CNTN4: variants seen among roughly 807,000 people sequenced by gnomAD.
The protein encoded by CNTN4 is contactin 4, also known as contactin-4.
Under a neutral mutation model 122.5 loss-of-function variants are expected in CNTN4, and 77 were observed. The ratio of observed to expected loss-of-function variants is 0.63; its 90% CI spans 0.52 to 0.76. The LOEUF is 0.76. Ranked by LOEUF, CNTN4 falls within the 30% of genes least tolerant of loss-of-function variation. The pLI, the probability that CNTN4 is intolerant of heterozygous loss-of-function variation, is 0.00. For missense variants in CNTN4, 1,256 were observed against 1,259.1 expected, an observed-to-expected ratio of 1.00 and a Z score of 0.04; for synonymous variants, 512 against 447.0, an observed-to-expected ratio of 1.15 and a Z score of -1.83.
intron 12 of CNTN4, among the ~76,000 whole-genome samples, chr3:2,912,416 A>AC (rs958619470): frequency 1.3e-5 from 2 of 152,210 alleles, no homozygotes; most frequent in African/African-American, 4.8e-5. Context: ...CACTAGGTTT[A>AC]CCCTGCAAGA....
At chr3:2,283,919 C>G (rs1046532164) in intron 2 of CNTN4, among the ~76,000 whole-genome samples, 1 of 152,168 alleles carries the variant, frequency 6.6e-6, no homozygotes, top group South Asian at 2.1e-4. Flanking sequence ...ATGAATTTTT[C>G]ATATGCTCAT....
chr3:2,120,487 T>A (rs1199706692), intron 2 of CNTN4, among the ~76,000 whole-genome samples: 2 of 147,468 alleles, frequency 1.4e-5, no homozygotes, highest in Non-Finnish European at 3.0e-5. Context: ...GACTGCGAGC[T>A]CGCTTCCTGG....
intron 4 of CNTN4, among the ~76,000 whole-genome samples, chr3:2,605,037 T>C (rs184073500): frequency 3.1e-4 from 47 of 152,278 alleles, no homozygotes; most frequent in African/African-American, 9.9e-4. Context: ...GACAGAATCT[T>C]ACTCTGTCAC....
chr3:3,037,414 G>A (rs1699708157), intron 18 of CNTN4, 86 bp downstream of exon 18: 18 of 1,543,664 alleles, frequency 1.2e-5, no homozygotes, highest in Admixed American at 8.4e-5. Flanking sequence ...GCTCTTCAGC[G>A]CTCATGCGGC....
intron 3 of CNTN4, among the ~76,000 whole-genome samples, chr3:2,387,860 C>T (rs368195598): frequency 2.0e-5 from 3 of 152,186 alleles, no homozygotes; most frequent in East Asian, 3.9e-4. Context: ...AAGAGCTGGT[C>T]TTCCCAAGAA....
At position 3,009,463 on chromosome 3, in the gene CNTN4, TTG is replaced by T. The variant is rs546744255; in HGVS notation, c.1487-16638_1487-16637del. 6.2e-4 allele frequency among the ~76,000 whole-genome samples: 94 copies of T among 152,090 alleles called. 1 individual carries two copies. Among genetic ancestry groups the T allele is most frequent in the African/African-American group, 2.0e-3 (82 of 41,466 alleles). On this transcript the variant is annotated intron_variant, in intron 14 of 24. Transcript: ENST00000418658. ...TTTCTTTTTTTTTTGAGATGGAGTCTTGCTCTGTCGCCCAGGCTGGAGTGCAG... is the reference window on the plus strand; with the variant it reads ...TTTCTTTTTTTTTTGAGATGGAGTCTCTCTGTCGCCCAGGCTGGAGTGCAG...
At chr3:2,736,807 T>C (rs892141463) in intron 5 of CNTN4, among the ~76,000 whole-genome samples, 2 of 151,066 alleles carry the variant, frequency 1.3e-5, no homozygotes, top group Admixed American at 1.3e-4. Flanking sequence ...TATTTATTTA[T>C]TTAGAGACGG....
intron 2 of CNTN4, among the ~76,000 whole-genome samples, chr3:2,185,965 T>C (rs1288246592): frequency 6.6e-6 from 1 of 152,138 alleles, no homozygotes; most frequent in East Asian, 1.9e-4. Context: ...AGTTCTAGGG[T>C]ACATGTGCAC....
At chr3:2,174,112 G>A (rs559995835) in intron 2 of CNTN4, among the ~76,000 whole-genome samples, 96 of 152,230 alleles carry the variant, frequency 6.3e-4, no homozygotes, top group Admixed American at 1.4e-3. Context: ...GGAATGATAA[G>A]GCCCACATTC....
At chr3:2,254,417 T>A (rs538437397) in intron 2 of CNTN4, among the ~76,000 whole-genome samples, 6 of 152,260 alleles carry the variant, frequency 3.9e-5, no homozygotes, top group African/African-American at 1.4e-4. Context: ...GTAATGGGAT[T>A]ATTGGGTCAA....
At chr3:2,330,448 AGTCATTACCCTTCT>A (rs1186115356) in intron 2 of CNTN4, among the ~76,000 whole-genome samples, 4 of 152,176 alleles carry the variant, frequency 2.6e-5, no homozygotes, top group African/African-American at 9.6e-5. Context: ...TTGGGCCACC[AGTCATTACCCTTCT>A]AAAAGACTTA....
chr3:3,021,410 A>T (rs1364849892), intron 14 of CNTN4, among the ~76,000 whole-genome samples: 5 of 152,172 alleles, frequency 3.3e-5, no homozygotes, highest in Non-Finnish European at 5.9e-5. Flanking sequence ...TAATTCTCTG[A>T]CCAGTCCCCT....
chr3:2,345,291 TC>T (rs2044360313), intron 3 of CNTN4, among the ~76,000 whole-genome samples: 2 of 152,214 alleles, frequency 1.3e-5, no homozygotes, highest in East Asian at 3.9e-4. Flanking sequence ...TTTTAGAGAT[TC>T]TTTTTTAAAA....
At chr3:2,369,780 TA>T (rs1000092157) in intron 3 of CNTN4, among the ~76,000 whole-genome samples, 5 of 151,880 alleles carry the variant, frequency 3.3e-5, no homozygotes, top group East Asian at 1.9e-4. Context: ...GTCAGAAAGT[TA>T]AAAAAAATAA....
intron 3 of CNTN4, among the ~76,000 whole-genome samples, chr3:2,448,512 C>G (rs552047143): frequency 1.3e-5 from 2 of 152,166 alleles, no homozygotes; most frequent in African/African-American, 4.8e-5. Context: ...CCTCTTTCTC[C>G]CCAGGATCTA....
At chr3:2,353,837 T>C (rs982100287) in intron 3 of CNTN4, among the ~76,000 whole-genome samples, 3 of 152,010 alleles carry the variant, frequency 2.0e-5, no homozygotes, top group Admixed American at 6.6e-5. Context: ...AGGCGGAGCT[T>C]GCAGTGAGCC....
intron 6 of CNTN4, among the ~76,000 whole-genome samples, chr3:2,808,496 A>T (rs1559526235): frequency 6.6e-6 from 1 of 152,124 alleles, no homozygotes; most frequent in African/African-American, 2.4e-5. Context: ...AGCTATAATG[A>T]GCATAAGTCT....
intron 2 of CNTN4, among the ~76,000 whole-genome samples, chr3:2,281,559 G>A (rs1250503759): frequency 6.6e-6 from 1 of 151,926 alleles, no homozygotes; most frequent in African/African-American, 2.4e-5. Context: ...CAATTTCAGA[G>A]GCCTTCTGAA....
chr3:2,493,747 G>A (rs1006776799), intron 3 of CNTN4, among the ~76,000 whole-genome samples: 32 of 152,040 alleles, frequency 2.1e-4, no homozygotes, highest in African/African-American at 6.8e-4. Context: ...CGGTCATGTG[G>A]CTAAATTTTG....
Sources: allele counts gnomAD v4.1 joint callset (sites outside exome capture counted in the v4.1 genomes callset), GRCh38; gene constraint gnomAD v4.1.1; transcripts MANE v1.5; gene names NCBI Gene and HGNC (gene_info 2026-07-23, HGNC 2026-07-21).